Variants in CUX1 observed in about 807,000 individuals in gnomAD.
CUX1 encodes the protein protein CASP.
CUX1 carries 31 observed loss-of-function variants against 158.8 expected under a neutral mutation model. The ratio of observed to expected loss-of-function variants is 0.20; its 90% CI spans 0.15 to 0.26. CUX1 has a LOEUF of 0.26. Among genes scored for constraint, CUX1 ranks in the 10% least tolerant of loss-of-function variants. CUX1 has a pLI of 1.00. For missense variants in CUX1, 1,589 were observed against 2,014.6 expected, an observed-to-expected ratio of 0.79 and a Z score of 4.04; for synonymous variants, 879 against 862.1, an observed-to-expected ratio of 1.02 and a Z score of -0.34.
intron 2 of CUX1, among the ~76,000 whole-genome samples, chr7:102,014,986 T>C (rs1025790182): frequency 2.0e-5 from 3 of 152,202 alleles, no homozygotes; most frequent in Non-Finnish European, 2.9e-5. Context: ...CCATGCTTTG[T>C]GTCTGCAAGT....
chr7:101,877,802 G>T (rs1350166709), intron 1 of CUX1, among the ~76,000 whole-genome samples: 1 of 138,354 alleles, frequency 7.2e-6, no homozygotes, highest in Non-Finnish European at 1.6e-5. Context: ...GTGTGTGTGT[G>T]TTTATTAAAG....
At chr7:102,121,394 G>C (rs1554493459) in intron 8 of CUX1, among the ~76,000 whole-genome samples, 1 of 148,796 alleles carries the variant, frequency 6.7e-6, no homozygotes, top group Non-Finnish European at 1.5e-5. Flanking sequence ...TGCCCAGGCT[G>C]GAGTGCAGTG....
chr7:102,216,619 C>CACCCCCCA (rs1797157024), intron 20 of CUX1, among the ~76,000 whole-genome samples: 1 of 73,932 alleles, frequency 1.4e-5, no homozygotes, highest in African/African-American at 5.4e-5. Flanking sequence ...CACACACTCC[C>CACCCCCCA]CACACACACA....
At chr7:102,065,655 T>C (rs1446545915) in intron 3 of CUX1, among the ~76,000 whole-genome samples, 1 of 152,176 alleles carries the variant, frequency 6.6e-6, no homozygotes, top group Non-Finnish European at 1.5e-5. Flanking sequence ...AATTTCCCTG[T>C]GTTAGTGGAA....
chr7:102,085,472 G>A (rs1554480116), intron 4 of CUX1, among the ~76,000 whole-genome samples: 2 of 152,196 alleles, frequency 1.3e-5, no homozygotes, highest in Non-Finnish European at 2.9e-5. Context: ...GGGATAGTGA[G>A]TGAGTTCTCA....
Position 101,921,868 on chromosome 7 carries a change from A to T in CUX1, c.141+5643A>T, listed in dbSNP as rs535892280. Among the ~76,000 whole-genome samples, 5 of 152,346 alleles carry T rather than the reference A, an allele frequency of 3.3e-5. No homozygotes were observed. In the South Asian group the frequency reaches 8.3e-4, roughly 25 times the overall value. ...CACAGTGGCTTACGCCTGTAATCCC[A>T]GTGCTTTGGGAGGCTGAGGTGGGAG... On this transcript the variant is annotated intron_variant, in intron 2 of 23. Coordinates refer to ENST00000292535, the MANE Select transcript of CUX1 (RefSeq NM_181552.4).
intron 11 of CUX1, among the ~76,000 whole-genome samples, chr7:102,185,388 G>A (rs1244530961): frequency 6.6e-6 from 1 of 152,060 alleles, no homozygotes; most frequent in Non-Finnish European, 1.5e-5. Flanking sequence ...GAGAAGTCAA[G>A]TCTGGGTGGG....
In CUX1 at chr7:102,255,099, C is replaced by G. The variant is rs1291211863; in HGVS notation, c.*6057C>G. ...GGCCCCCCAGCCCAGTCTTCCCAAT[C>G]CCAGAGGCCCCGGCGGCCTGTGCTC... is the stretch of plus-strand genomic sequence containing the variant. On this transcript the variant is annotated 3_prime_UTR_variant, in exon 24 of 24. Coordinates refer to ENST00000292535, the MANE Select transcript of CUX1 (RefSeq NM_181552.4). 5 of 985,352 alleles carry G rather than the reference C, an allele frequency of 5.1e-6. No homozygotes were observed. Among genetic ancestry groups the G allele is most frequent in the Non-Finnish European group, 4.8e-6 (4 of 830,012 alleles). 61.0% of individuals were successfully genotyped at this position (985,352 alleles called of 1,614,324 possible).
chr7:102,143,313 A>G (rs1834661286), intron 8 of CUX1, among the ~76,000 whole-genome samples: 1 of 152,118 alleles, frequency 6.6e-6, no homozygotes, highest in Non-Finnish European at 1.5e-5. Flanking sequence ...CTGTCACCCA[A>G]GCTGGAGCAC....
chr7:101,863,597 C>T (rs1028428719), intron 1 of CUX1, among the ~76,000 whole-genome samples: 33 of 152,168 alleles, frequency 2.2e-4, no homozygotes, highest in Non-Finnish European at 4.0e-4. Flanking sequence ...GTGATCCACC[C>T]GCCTCGGCCT....
intron 4 of CUX1, 46 bp downstream of exon 4, chr7:102,070,463 G>T: frequency 6.8e-7 from 1 of 1,471,740 alleles, no homozygotes. Context: ...CGTTGTGTCT[G>T]GTGAGTCGGT....
intron 7 of CUX1, among the ~76,000 whole-genome samples, chr7:102,114,507 C>A (rs558529792): frequency 7.7e-4 from 117 of 152,322 alleles, no homozygotes; most frequent in Admixed American, 2.0e-3. Context: ...AAACTCCTGA[C>A]CTCAGGTGAT....
rs80122201 is a variant in CUX1 at position 102,250,491 on chromosome 7, A to T, written c.*1449A>T. ...TTCTTTCCCTTTTTCTTCCCACCGC[A>T]AGCACTGATGACCCTGTTGAACTCG... On this transcript the variant is annotated 3_prime_UTR_variant, in exon 24 of 24. Coordinates refer to ENST00000292535, the MANE Select transcript of CUX1 (RefSeq NM_181552.4). 163 of 985,392 alleles carry T rather than the reference A, an allele frequency of 1.7e-4. No individual in the cohort carries two copies. The East Asian group carries it at 0.014, about 87-fold the overall frequency. 61.0% of individuals were successfully genotyped at this position (985,392 alleles called of 1,614,324 possible).
chr7:102,150,804 A>G lies in CUX1; in HGVS notation c.675-7756A>G, dbSNP rs141303130. On this transcript the variant is annotated intron_variant, in intron 8 of 23. Coordinates refer to ENST00000292535, the MANE Select transcript of CUX1 (RefSeq NM_181552.4). ...CTGTGGTGAACTGATTGAACGAACTACATATTCTAGGCCAAACTGAAATTA... is the reference window on the plus strand; with the variant it reads ...CTGTGGTGAACTGATTGAACGAACTGCATATTCTAGGCCAAACTGAAATTA... 2.1e-3 allele frequency among the ~76,000 whole-genome samples: 316 copies of G among 152,354 alleles called. 1 individual carries two copies. Among genetic ancestry groups the G allele is most frequent in the African/African-American group, 7.2e-3 (300 of 41,574 alleles).
At chr7:102,239,693 C>G in intron 23 of CUX1, 109 bp downstream of exon 23, 1 of 1,325,212 alleles carries the variant, frequency 7.5e-7, no homozygotes, top group South Asian at 1.5e-5. Flanking sequence ...AGGTGGGGCG[C>G]TGGGAGCTCG....
intron 4 of CUX1, among the ~76,000 whole-genome samples, chr7:102,085,304 G>A (rs532153636): frequency 4.6e-5 from 7 of 152,252 alleles, no homozygotes; most frequent in African/African-American, 1.7e-4. Flanking sequence ...CTGTTTTACT[G>A]AGGACTTTTG....
intron 20 of CUX1, among the ~76,000 whole-genome samples, chr7:102,225,935 T>C (rs1798308816): frequency 6.6e-6 from 1 of 152,246 alleles, no homozygotes; most frequent in Non-Finnish European, 1.5e-5. Context: ...AGGGGAGAGA[T>C]TGTGCCAAGA....
At chr7:101,914,962 T>G (rs1004571998) in intron 1 of CUX1, among the ~76,000 whole-genome samples, 4 of 151,922 alleles carry the variant, frequency 2.6e-5, no homozygotes, top group African/African-American at 9.7e-5. Context: ...AGCTGGGTGG[T>G]GGGGGGTGGA....
chr7:102,056,860 C>T (rs1470168447), intron 3 of CUX1, among the ~76,000 whole-genome samples: 3 of 151,230 alleles, frequency 2.0e-5, no homozygotes, highest in African/African-American at 7.3e-5. Context: ...TGAGCCACCA[C>T]ACTCGGCTGA....
Sources: allele counts gnomAD v4.1 joint callset (sites outside exome capture counted in the v4.1 genomes callset), GRCh38; gene constraint gnomAD v4.1.1; transcripts MANE v1.5; gene names NCBI Gene and HGNC (gene_info 2026-07-23, HGNC 2026-07-21).